The following VAV3 variants were observed in gnomAD, a reference collection of about 807,000 sequenced individuals.
VAV3 encodes guanine nucleotide exchange factor VAV3.
Under a neutral mutation model 131.2 loss-of-function variants are expected in VAV3, and 94 were observed. The ratio of observed to expected loss-of-function variants is 0.72; its 90% confidence interval spans 0.61 to 0.85. VAV3 has a LOEUF of 0.85. Among genes scored for constraint, VAV3 ranks in the 40% least tolerant of loss-of-function variants. The pLI, the probability that VAV3 is intolerant of heterozygous loss-of-function variation, is 0.00. For synonymous variants in VAV3, 349 were observed against 342.0 expected (o/e 1.02, Z -0.22); for missense variants, 939 against 1,002.7 (o/e 0.94, Z 0.86).
At chr1:107,785,017 T>C (rs1434890877) in intron 2 of VAV3, among the ~76,000 whole-genome samples, 1 of 152,246 alleles carries the variant, frequency 6.6e-6, no homozygotes, top group Non-Finnish European at 1.5e-5. Flanking sequence ...CTCTTTATTT[T>C]TTTCATCCCT....
chr1:107,634,648 T>C, intron 20 of VAV3, among the ~76,000 whole-genome samples: 1 of 151,832 alleles, frequency 6.6e-6, no homozygotes, highest in Non-Finnish European at 1.5e-5. Flanking sequence ...AAAGAGCTTC[T>C]GCACAGCAAA....
intron 1 of VAV3, among the ~76,000 whole-genome samples, chr1:107,895,696 C>T (rs1235114903): frequency 6.6e-6 from 1 of 152,146 alleles, no homozygotes; most frequent in Non-Finnish European, 1.5e-5. Context: ...TTTCTGTACA[C>T]TTGTAAAAGA....
intron 1 of VAV3, among the ~76,000 whole-genome samples, chr1:107,906,523 G>A (rs545155765): frequency 3.2e-4 from 48 of 152,076 alleles, no homozygotes; most frequent in African/African-American, 1.0e-3. Context: ...AAAATTAGCC[G>A]GGCGTGGTGG....
At chr1:107,852,477 A>G (rs971245687) in intron 2 of VAV3, among the ~76,000 whole-genome samples, 1 of 152,228 alleles carries the variant, frequency 6.6e-6, no homozygotes, top group African/African-American at 2.4e-5. Flanking sequence ...CCAGGCTTAC[A>G]TATATAATCT....
chr1:107,874,766 C>T, intron 2 of VAV3, 135 bp downstream of exon 2: 3 of 684,300 alleles, frequency 4.4e-6, no homozygotes, highest in Non-Finnish European at 4.8e-6. Flanking sequence ...TTTGCTAAGC[C>T]ATCTACATGT....
intron 1 of VAV3, among the ~76,000 whole-genome samples, chr1:107,948,444 T>C (rs563827065): frequency 1.3e-5 from 2 of 152,336 alleles, no homozygotes; most frequent in East Asian, 3.9e-4. Context: ...GTCAAACCAT[T>C]GTATACATAT....
intron 2 of VAV3, among the ~76,000 whole-genome samples, chr1:107,792,550 G>A (rs1374993852): frequency 6.6e-6 from 1 of 152,110 alleles, no homozygotes; most frequent in Non-Finnish European, 1.5e-5. Flanking sequence ...GAGTGGGAAG[G>A]CCCATTACAT....
chr1:107,938,154 G>T (rs1673812362), intron 1 of VAV3, among the ~76,000 whole-genome samples: 1 of 152,128 alleles, frequency 6.6e-6, no homozygotes. Flanking sequence ...TATATAAACA[G>T]GTGGTGGGAA....
intron 1 of VAV3, among the ~76,000 whole-genome samples, chr1:107,909,731 T>G (rs1433258577): frequency 6.6e-6 from 1 of 152,156 alleles, no homozygotes; most frequent in Non-Finnish European, 1.5e-5. Flanking sequence ...TTTGCAATGA[T>G]TCCTTTAAAT....
chr1:107,920,430 CA>C (rs1356224115), intron 1 of VAV3, among the ~76,000 whole-genome samples: 1 of 152,164 alleles, frequency 6.6e-6, no homozygotes, highest in African/African-American at 2.4e-5. Context: ...CCAAACCAAA[CA>C]AAAACTTACG....
rs193253132 is a variant in VAV3 at position 107,628,756 on chromosome 1, G to A, written c.1915-11124C>T. 8.5e-5 allele frequency among the ~76,000 whole-genome samples: 13 copies of A among 152,190 alleles called. No homozygotes were observed. In the East Asian group the frequency reaches 2.5e-3, roughly 29 times the overall value. ...GGTCTAATATATAGAACTAAAGTAGGGGACCACAAGTCTGAAAAGGACTCT... is the reference window on the plus strand; with the variant it reads ...GGTCTAATATATAGAACTAAAGTAGAGGACCACAAGTCTGAAAAGGACTCT... On this transcript the variant is annotated intron_variant, in intron 20 of 26. Transcript: ENST00000370056.
intron 21 of VAV3, among the ~76,000 whole-genome samples, chr1:107,610,777 T>C (rs1220716117): frequency 6.6e-6 from 1 of 152,130 alleles, no homozygotes; most frequent in Non-Finnish European, 1.5e-5. Flanking sequence ...TAAAGTACAT[T>C]CTATAGAGAG....
intron 2 of VAV3, among the ~76,000 whole-genome samples, chr1:107,823,162 C>T (rs1278119354): frequency 6.6e-6 from 1 of 152,154 alleles, no homozygotes; most frequent in Non-Finnish European, 1.5e-5. Flanking sequence ...TTCAAGATGA[C>T]TCTTGAAGAC....
At chr1:107,792,006 C>T (rs1458915789) in intron 2 of VAV3, among the ~76,000 whole-genome samples, 2 of 152,166 alleles carry the variant, frequency 1.3e-5, no homozygotes, top group Admixed American at 1.3e-4. Flanking sequence ...GCAATGCTGC[C>T]AGCACCTTTG....
At chr1:107,952,931 T>C (rs1674627190) in intron 1 of VAV3, among the ~76,000 whole-genome samples, 1 of 152,200 alleles carries the variant, frequency 6.6e-6, no homozygotes, top group Non-Finnish European at 1.5e-5. Context: ...CACAAACTAA[T>C]CAGACTAAAA....
chr1:107,735,108 C>G (rs1273265063), intron 15 of VAV3, among the ~76,000 whole-genome samples: 1 of 152,182 alleles, frequency 6.6e-6, no homozygotes, highest in Admixed American at 6.5e-5. Context: ...TGAATGACTA[C>G]TGGGTAAATT....
chr1:107,752,203 T>G (rs1663775571), intron 12 of VAV3, among the ~76,000 whole-genome samples: 4 of 152,192 alleles, frequency 2.6e-5, no homozygotes. Flanking sequence ...TATGGTCAAA[T>G]GATTTCCAAC....
At chr1:107,955,496 G>A (rs1176016349) in intron 1 of VAV3, among the ~76,000 whole-genome samples, 1 of 151,992 alleles carries the variant, frequency 6.6e-6, no homozygotes, top group Non-Finnish European at 1.5e-5. Context: ...CCAAAGCCTG[G>A]AAGGGAGACG....
chr1:107,875,665 T>C (rs1013208790), intron 1 of VAV3, among the ~76,000 whole-genome samples: 2 of 152,150 alleles, frequency 1.3e-5, no homozygotes, highest in African/African-American at 4.8e-5. Flanking sequence ...CTCTGACTGA[T>C]ATGGGAGGTC....
Sources: allele counts gnomAD v4.1 joint callset (sites outside exome capture counted in the v4.1 genomes callset), GRCh38; gene constraint gnomAD v4.1.1; transcripts MANE v1.5; gene names NCBI Gene and HGNC (gene_info 2026-07-23, HGNC 2026-07-21).